Variants in MYH2 observed in about 807,000 individuals in gnomAD.
MYH2 encodes myosin-2.
MYH2 carries 139 observed loss-of-function variants against 228.1 expected under a neutral mutation model. The observed-to-expected ratio is 0.61, with a 90% confidence interval of 0.53 to 0.70. The LOEUF is 0.70. Among genes scored for constraint, MYH2 ranks in the 30% least tolerant of loss-of-function variants. The pLI is 0.00. For synonymous variants in MYH2, 796 were observed against 871.1 expected, an observed-to-expected ratio of 0.91 and a Z score of 1.52; for missense variants, 1,809 against 2,357.5, an observed-to-expected ratio of 0.77 and a Z score of 4.82.
chr17:10,523,046 A>C (rs1440552650), intron 39 of MYH2, 44 bp downstream of exon 39: 23 of 1,372,308 alleles, frequency 1.7e-5, no homozygotes, highest in African/African-American at 2.9e-5. Context: ...AGTAGTAATT[A>C]TTTATTAGCT....
chr17:10,529,073 T>A lies in MYH2; in HGVS notation c.3361A>T (p.Ile1121Phe). ...TCGATTTCCTCCTCCAGCTCCTCAA[T>A]GCGGGCCTGGGAATGGTGGAAAATA... ...QKKIKELQAR[I>F]EELEEEIEAE... Residue 1121 changes from isoleucine to phenylalanine, a missense_variant, in exon 27 of 40, where the codon ATT (isoleucine) becomes TTT (phenylalanine). By Grantham distance (21) the Ile-to-Phe change is conservative (BLOSUM62 0). Coordinates refer to ENST00000245503, the MANE Select transcript of MYH2 (RefSeq NM_017534.6). The A allele has an allele frequency of 6.2e-7, 1 of 1,614,222 alleles. No individual in the cohort carries two copies. The highest frequency in any genetic ancestry group is 8.5e-7 in the Non-Finnish European group (1 of 1,180,046).
At position 10,546,842 on chromosome 17, in the gene MYH2, G is replaced by A. The variant is rs192679989; in HGVS notation, c.348+633C>T. On this transcript the variant is annotated intron_variant, in intron 4 of 39. Coordinates refer to ENST00000245503, the MANE Select transcript of MYH2 (RefSeq NM_017534.6). ...TGCCTGTAATCCCAGCACTTTGGGA[G>A]GCCAAGGCAGGCGGATCATTTGAGC... Among the ~76,000 whole-genome samples, 151 of 152,184 alleles carry A rather than the reference G, an allele frequency of 9.9e-4. 1 individual carries two copies. The East Asian group carries it at 0.017, about 17-fold the overall frequency.
intron 30 of MYH2, among the ~76,000 whole-genome samples, 178 bp downstream of exon 30, chr17:10,526,421 G>A (rs923988472): frequency 2.6e-5 from 4 of 152,190 alleles, no homozygotes; most frequent in Admixed American, 6.5e-5. Context: ...TTTTAGGATC[G>A]TAAGGCAGGG....
rs767416022 is a variant in MYH2 at position 10,545,439 on chromosome 17, C to T, written c.412G>A (p.Glu138Lys). ...PYKWLPVYKPEVVTAYRGKKR... is the reference protein window; with the variant it reads ...PYKWLPVYKPKVVTAYRGKKR... The stretch of plus-strand genomic sequence containing the variant: ...TTGCCTCGGTAGGCTGTCACCACCT[C>T]GGGCTTATACACAGGCAGCCACTTG... The change falls in exon 5 of 40, where the codon GAG (glutamate) becomes AAG (lysine). Residue 138 changes from glutamate (E) to lysine (K), a missense_variant. Coordinates refer to ENST00000245503, the MANE Select transcript of MYH2 (RefSeq NM_017534.6). 3.7e-6 allele frequency: 6 copies of T among 1,614,102 alleles called. No homozygotes were observed. Among genetic ancestry groups the T allele is most frequent in the East Asian group, 2.2e-5 (1 of 44,884 alleles).
In MYH2 at chr17:10,539,400, A is replaced by G. The variant is rs199518722; in HGVS notation, c.1266+44T>C. ...CTCTCGAAGTTATTAAAGGCCTATGAAAATGCTTTCATCCCTGGCAGTTAA... is the reference window on the plus strand; with the variant it reads ...CTCTCGAAGTTATTAAAGGCCTATGGAAATGCTTTCATCCCTGGCAGTTAA... On this transcript the variant is annotated intron_variant, in intron 13 of 39. Transcript: ENST00000245503. The G allele has an allele frequency of 6.0e-5, 97 of 1,614,212 alleles. No individual in the cohort carries two copies. The Middle Eastern group carries it at 6.6e-4, about 11-fold the overall frequency.
intron 5 of MYH2, among the ~76,000 whole-genome samples, chr17:10,545,076 T>G (rs567153260): frequency 5.9e-5 from 9 of 152,128 alleles, no homozygotes; most frequent in Admixed American, 5.9e-4. Context: ...CTCATATTTA[T>G]TTGAGTTTCT....
intron 2 of MYH2, among the ~76,000 whole-genome samples, chr17:10,548,946 C>G (rs2073668191): frequency 6.6e-6 from 1 of 152,166 alleles, no homozygotes. Context: ...TGCCACAGCA[C>G]TCGGCATTGT....
intron 10 of MYH2, among the ~76,000 whole-genome samples, chr17:10,542,273 C>CAACAAACA (rs71365774): frequency 0.32 from 48,251 of 150,910 alleles, 8,603 homozygotes; most frequent in East Asian, 0.79. Context: ...GACTCCATCT[C>CAACAAACA]AACAAACAAA....
Position 10,535,069 on chromosome 17 carries a change from T to G in MYH2, c.2180+4A>C. 1.2e-6 allele frequency: 2 copies of G among 1,613,854 alleles called. No homozygotes were observed. The highest frequency in any genetic ancestry group is 4.5e-5 in the East Asian group (2 of 44,880). On this transcript the variant is annotated splice_donor_region_variant and intron_variant, in intron 19 of 39. Coordinates refer to ENST00000245503, the MANE Select transcript of MYH2 (RefSeq NM_017534.6). ...AGAATACACCATAATCAGGAGAAAC[T>G]GACCTCTGTTTGAAGTCTGCATAAA...
At chr17:10,530,758 C>T (rs2073415029) in intron 22 of MYH2, among the ~76,000 whole-genome samples, 1 of 152,012 alleles carries the variant, frequency 6.6e-6, no homozygotes, top group African/African-American at 2.4e-5. Context: ...AACTGTGTAA[C>T]GAATACAGTG....
rs201382074 is a variant in MYH2 at position 10,533,581 on chromosome 17, G to A, written c.2232C>T (p.Ser744=). Reference sequence around the variant, plus strand: ...CAAGGAGCTTCTCAGAGGCCTTCTTGCTATCAATGAATTGCCCTTCAGGGA... The same window carrying A: ...CAAGGAGCTTCTCAGAGGCCTTCTTACTATCAATGAATTGCCCTTCAGGGA... ...SAIPEGQFID[S]KKASEKLLAS... The change falls in exon 20 of 40, where the codon AGC becomes AGT. Residue 744 remains serine (S), a synonymous_variant. Transcript: ENST00000245503. 3.1e-6 allele frequency: 5 copies of A among 1,614,124 alleles called. No individual in the cohort carries two copies. Among genetic ancestry groups the A allele is most frequent in the Admixed American group, 1.7e-5 (1 of 60,020 alleles).
chr17:10,538,561 C>T (rs909554565), intron 14 of MYH2, among the ~76,000 whole-genome samples: 7 of 150,686 alleles, frequency 4.6e-5, no homozygotes, highest in East Asian at 2.0e-4. Context: ...AGGAGAATGG[C>T]GTGAACCCAG....
At chr17:10,527,175 TATACTGACATCTTCATGCTCAATGC>T in intron 28 of MYH2, 119 bp from the exon 29 acceptor site, 1 of 852,836 alleles carries the variant, frequency 1.2e-6, no homozygotes, top group Non-Finnish European at 2.0e-6. Context: ...GGTTGAATTC[TATACTGACATCTTCATGCTCAATGC>T]AGGTTTTCAG....
chr17:10,523,697 A>G lies in MYH2; in HGVS notation c.5302-31T>C, dbSNP rs771475355. The G allele has an allele frequency of 7.4e-6, 12 of 1,614,170 alleles. No individual in the cohort carries two copies. In the South Asian group the frequency reaches 1.2e-4, roughly 16 times the overall value. On this transcript the variant is annotated intron_variant, in intron 36 of 39. Coordinates refer to ENST00000245503, the MANE Select transcript of MYH2 (RefSeq NM_017534.6). ...TAGCAAATAAATCAAGAAAACCAAG[A>G]AAGTTATAGATGTCAGGAAATCTTA...
rs149010634 is a variant in MYH2 at position 10,531,128 on chromosome 17, G to C, written c.2697+505C>G. Among the ~76,000 whole-genome samples, 154 of 152,312 alleles carry C rather than the reference G, an allele frequency of 1.0e-3. 1 individual carries two copies. The East Asian group carries it at 0.017, about 16-fold the overall frequency. On this transcript the variant is annotated intron_variant, in intron 22 of 39. Transcript: ENST00000245503. ...GTGACATGATGGGACACTGACTGTGGAGACAGATTAGAAAGAGGGAGTCTG... is the reference window on the plus strand; with the variant it reads ...GTGACATGATGGGACACTGACTGTGCAGACAGATTAGAAAGAGGGAGTCTG...
At position 10,530,941 on chromosome 17, in the gene MYH2, A is replaced by G. The variant is rs146865235; in HGVS notation, c.2697+692T>C. On this transcript the variant is annotated intron_variant, in intron 22 of 39. Coordinates refer to ENST00000245503, the MANE Select transcript of MYH2 (RefSeq NM_017534.6). Reference sequence around the variant, plus strand: ...ACTTTATGATAAGTAGACCAATTCAATTCACTCCAAATAAAACATAGTCTT... The same window carrying G: ...ACTTTATGATAAGTAGACCAATTCAGTTCACTCCAAATAAAACATAGTCTT... Among the ~76,000 whole-genome samples, 75 of 152,332 alleles carry G rather than the reference A, an allele frequency of 4.9e-4. No homozygotes were observed. The East Asian group carries it at 0.012, about 24-fold the overall frequency.
chr17:10,537,562 A>G lies in MYH2; in HGVS notation c.1588-20T>C, dbSNP rs1326430522. 6.2e-7 allele frequency: 1 copy of G among 1,613,988 alleles called. No homozygotes were observed. The highest frequency in any genetic ancestry group is 8.5e-7 in the Non-Finnish European group (1 of 1,180,022). On this transcript the variant is annotated intron_variant, in intron 15 of 39. Coordinates refer to ENST00000245503, the MANE Select transcript of MYH2 (RefSeq NM_017534.6). The surrounding 1 kb of genome is among the most constrained non-coding windows in gnomAD (Gnocchi z 4.0). ...CATAGGCTAAAAAGCAGACCACAACACAAAATTGTACTTCTATTTTTTTTT... is the reference window on the plus strand; with the variant it reads ...CATAGGCTAAAAAGCAGACCACAACGCAAAATTGTACTTCTATTTTTTTTT...
At position 10,538,120 on chromosome 17, in the gene MYH2, A is replaced by C. The variant is rs189072407; in HGVS notation, c.1417-285T>G. ...CAGGTATTTTCCTGAGTACCTACTTAATCATCCTGTGTTTATTCCCATTAT... is the reference window on the plus strand; with the variant it reads ...CAGGTATTTTCCTGAGTACCTACTTCATCATCCTGTGTTTATTCCCATTAT... On this transcript the variant is annotated intron_variant, in intron 14 of 39. Transcript: ENST00000245503. Among the ~76,000 whole-genome samples the C allele has an allele frequency of 2.6e-3, 393 of 152,268 alleles. 1 individual carries two copies. Among genetic ancestry groups the C allele is most frequent in the African/African-American group, 9.2e-3 (384 of 41,566 alleles).
chr17:10,533,269 A>C lies in MYH2; in HGVS notation c.2441+16T>G, dbSNP rs774650395. ...TTTTTGAAGATGGAATATGTGAATAAACATATTTTTTATACCTTCTCTCCA... is the reference window on the plus strand; with the variant it reads ...TTTTTGAAGATGGAATATGTGAATACACATATTTTTTATACCTTCTCTCCA... On this transcript the variant is annotated intron_variant, in intron 21 of 39. Transcript: ENST00000245503. 1 of 1,613,882 alleles carries C rather than the reference A, an allele frequency of 6.2e-7. No homozygotes were observed. Among genetic ancestry groups the C allele is most frequent in the South Asian group, 1.1e-5 (1 of 91,066 alleles).
Sources: allele counts gnomAD v4.1 joint callset (sites outside exome capture counted in the v4.1 genomes callset), GRCh38; gene constraint gnomAD v4.1.1; non-coding constraint Gnocchi (gnomAD v3.1); transcripts MANE v1.5; gene names NCBI Gene and HGNC (gene_info 2026-07-23, HGNC 2026-07-21).